L3MBTL4: variants seen among roughly 807,000 people sequenced by gnomAD.
L3MBTL4 encodes L3MBTL histone methyl-lysine binding protein 4.
A neutral mutation model predicts 84.5 loss-of-function variants in L3MBTL4; 70 were observed. That is an observed-to-expected ratio of 0.83 (90% CI 0.68 to 1.01). The LOEUF (loss-of-function observed/expected upper bound fraction) is 1.01, where lower values mean the gene tolerates loss of function less well. L3MBTL4 is among the 50% of genes least tolerant of loss of function. The probability of loss-of-function intolerance (pLI) is 0.00; values close to 1 mark genes in which losing one functional copy is unlikely to be tolerated. For missense variants in L3MBTL4, 715 were observed against 754.8 expected, an observed-to-expected ratio of 0.95 and a Z score of 0.62; for synonymous variants, 274 against 259.8, an observed-to-expected ratio of 1.05 and a Z score of -0.52.
intron 12 of L3MBTL4, among the ~76,000 whole-genome samples, chr18:6,194,934 C>T (rs1244962698): frequency 2.0e-5 from 3 of 152,204 alleles, no homozygotes; most frequent in Non-Finnish European, 4.4e-5. Context: ...ACAGACAGAC[C>T]TACATGAAAT....
At chr18:6,196,157 C>CTTT (rs71370547) in intron 12 of L3MBTL4, among the ~76,000 whole-genome samples, 3 of 130,226 alleles carry the variant, frequency 2.3e-5, no homozygotes, top group African/African-American at 6.6e-5. Flanking sequence ...TAGAGTTCCT[C>CTTT]TTTTTTTTTT....
chr18:6,098,863 G>A (rs1005491363), intron 14 of L3MBTL4, among the ~76,000 whole-genome samples: 8 of 152,278 alleles, frequency 5.3e-5, no homozygotes, highest in East Asian at 3.9e-4. Context: ...TGGGTGGGCC[G>A]GGGGCATCTC....
At chr18:6,268,056 G>C (rs2048710938) in intron 4 of L3MBTL4, among the ~76,000 whole-genome samples, 1 of 152,204 alleles carries the variant, frequency 6.6e-6, no homozygotes, top group South Asian at 2.1e-4. Context: ...AGGGGAAACT[G>C]TCGTGGTATT....
intron 14 of L3MBTL4, among the ~76,000 whole-genome samples, chr18:6,119,245 A>G (rs1414587020): frequency 6.6e-6 from 1 of 152,054 alleles, no homozygotes. Context: ...TAAAATCCTT[A>G]GCACTTATCT....
At chr18:6,331,682 C>T (rs772510518) in intron 1 of L3MBTL4, among the ~76,000 whole-genome samples, 57 of 151,688 alleles carry the variant, frequency 3.8e-4, no homozygotes, top group African/African-American at 1.0e-3. Context: ...TGGTAAGATA[C>T]GAACAATTTT....
chr18:6,211,210 A>C (rs1462190173), intron 12 of L3MBTL4, among the ~76,000 whole-genome samples: 1 of 152,232 alleles, frequency 6.6e-6, no homozygotes, highest in Non-Finnish European at 1.5e-5. Context: ...AGTAATTATG[A>C]AAATATTTGA....
chr18:6,301,101 T>C (rs753637839), intron 4 of L3MBTL4, among the ~76,000 whole-genome samples: 2 of 152,172 alleles, frequency 1.3e-5, no homozygotes, highest in Non-Finnish European at 2.9e-5. Flanking sequence ...CCATAGAAAA[T>C]GGACTTTAAA....
intron 16 of L3MBTL4, among the ~76,000 whole-genome samples, chr18:6,054,455 T>C (rs1477030311): frequency 6.6e-6 from 1 of 151,988 alleles, no homozygotes; most frequent in Non-Finnish European, 1.5e-5. Flanking sequence ...CCTCCAGGGG[T>C]TTACCACACT....
chr18:6,303,010 T>A (rs746300198), intron 3 of L3MBTL4, among the ~76,000 whole-genome samples: 18 of 152,004 alleles, frequency 1.2e-4, no homozygotes, highest in African/African-American at 4.3e-4. Flanking sequence ...ATTGTAATAA[T>A]TATGTACTTA....
intron 1 of L3MBTL4, among the ~76,000 whole-genome samples, chr18:6,344,616 T>G (rs1398630163): frequency 2.0e-5 from 3 of 152,194 alleles, no homozygotes; most frequent in Non-Finnish European, 4.4e-5. Context: ...ATATCCCTGA[T>G]GAACACATAC....
chr18:6,129,291 C>T (rs371787480), intron 14 of L3MBTL4, among the ~76,000 whole-genome samples: 1 of 151,024 alleles, frequency 6.6e-6, no homozygotes, highest in Non-Finnish European at 1.5e-5. Context: ...GTACCTATTG[C>T]TTTATTGTTG....
chr18:6,040,034 C>CTT (rs1357472970), intron 16 of L3MBTL4, among the ~76,000 whole-genome samples: 4 of 152,026 alleles, frequency 2.6e-5, no homozygotes, highest in African/African-American at 9.7e-5. Context: ...TCCCTTTCAA[C>CTT]TTATAAGAGT....
chr18:5,965,688 C>T (rs534161342), intron 17 of L3MBTL4, among the ~76,000 whole-genome samples: 40 of 152,278 alleles, frequency 2.6e-4, no homozygotes, highest in Admixed American at 3.9e-4. Flanking sequence ...TCACAAAGCC[C>T]CCATTTTCAA....
intron 4 of L3MBTL4, among the ~76,000 whole-genome samples, chr18:6,268,454 A>G (rs1460703288): frequency 6.6e-6 from 1 of 152,216 alleles, no homozygotes; most frequent in African/African-American, 2.4e-5. Context: ...GACAGGCAGA[A>G]TAGCACTCTG....
Position 6,248,122 on chromosome 18 carries a change from C to G in L3MBTL4, c.220-3534G>C, listed in dbSNP as rs536437504. 1.7e-4 allele frequency among the ~76,000 whole-genome samples: 26 copies of G among 152,300 alleles called. No individual in the cohort carries two copies. The South Asian group carries it at 2.1e-3, about 12-fold the overall frequency. On this transcript the variant is annotated intron_variant, in intron 5 of 18. Coordinates refer to ENST00000317931, the MANE Select transcript of L3MBTL4 (RefSeq NM_001330559.2). The stretch of plus-strand genomic sequence containing the variant: ...AGATATGTCTAAGACTAATCCCCCC[C>G]CAAAAGGTTTGTTCTGCCCTCCTGC...
At chr18:6,113,659 A>G (rs9960726) in intron 14 of L3MBTL4, among the ~76,000 whole-genome samples, 49,613 of 151,952 alleles carry the variant, frequency 0.33, 9,340 homozygotes, top group East Asian at 0.58. Flanking sequence ...CATATTTACC[A>G]ATTCACTTGA....
intron 15 of L3MBTL4, among the ~76,000 whole-genome samples, chr18:6,085,215 A>G (rs1420733184): frequency 6.6e-6 from 1 of 152,094 alleles, no homozygotes. Flanking sequence ...ATTATTTACA[A>G]GAGGAGAAAT....
intron 16 of L3MBTL4, among the ~76,000 whole-genome samples, chr18:5,975,855 T>C (rs149852327): frequency 5.3e-4 from 81 of 152,336 alleles, no homozygotes; most frequent in Non-Finnish European, 8.1e-4. Context: ...TCCTCAGACA[T>C]GGGCATGGCC....
At chr18:6,202,837 T>A (rs991885258) in intron 12 of L3MBTL4, among the ~76,000 whole-genome samples, 5 of 152,060 alleles carry the variant, frequency 3.3e-5, no homozygotes, top group Admixed American at 6.6e-5. Context: ...ACAAAAGATG[T>A]CAAAAGTACC....
Sources: gnomAD v4.1 joint callset for allele counts (sites outside exome capture counted in the v4.1 genomes callset) on GRCh38, gnomAD v4.1.1 for gene constraint, MANE v1.5 for transcripts, NCBI Gene and HGNC (gene_info 2026-07-23, HGNC 2026-07-21) for gene names.